ASIC2: variants seen among roughly 807,000 people sequenced by gnomAD.
The protein encoded by ASIC2 is acid-sensing ion channel 2.
A neutral mutation model predicts 57.3 loss-of-function variants in ASIC2; 25 were observed. The ratio of observed to expected loss-of-function variants is 0.44; its 90% CI spans 0.32 to 0.61. ASIC2 has a LOEUF of 0.61. Among genes scored for constraint, ASIC2 ranks in the 20% least tolerant of loss-of-function variants. ASIC2 has a pLI of 0.06. For synonymous variants in ASIC2, 319 were observed against 307.5 expected (o/e 1.04, Z -0.39); for missense variants, 641 against 738.1 (o/e 0.87, Z 1.52).
intron 1 of ASIC2, among the ~76,000 whole-genome samples, chr17:33,663,876 G>A (rs1271321751): frequency 1.3e-5 from 2 of 152,132 alleles, no homozygotes; most frequent in Non-Finnish European, 2.9e-5. Context: ...ATCCCAGTGT[G>A]CTCAGGGCAG....
intron 1 of ASIC2, among the ~76,000 whole-genome samples, chr17:33,159,952 T>C (rs1905115710): frequency 6.6e-6 from 1 of 152,210 alleles, no homozygotes; most frequent in Non-Finnish European, 1.5e-5. Flanking sequence ...CTCATGCCTG[T>C]AATCCCAGCA....
At chr17:33,082,752 G>A (rs2092118326) in intron 3 of ASIC2, among the ~76,000 whole-genome samples, 1 of 139,788 alleles carries the variant, frequency 7.2e-6, no homozygotes, top group Admixed American at 7.3e-5. Flanking sequence ...AAATAATCAT[G>A]GTTTGAGCAA....
Position 33,218,947 on chromosome 17 carries a change from C to T in ASIC2, c.708+72461G>A, listed in dbSNP as rs569575526. Among the ~76,000 whole-genome samples, 4 of 152,302 alleles carry T rather than the reference C, an allele frequency of 2.6e-5. No homozygotes were observed. The East Asian group carries it at 7.7e-4, about 29-fold the overall frequency. On this transcript the variant is annotated intron_variant, in intron 1 of 9. Coordinates refer to ENST00000225823, the MANE Select transcript of ASIC2 (RefSeq NM_183377.2). Reference sequence around the variant, plus strand: ...CACACCCGTGGAAGGGAGAGCTGAACTGGGCTGGGCGAATTATTTTTGGTA... The same window carrying T: ...CACACCCGTGGAAGGGAGAGCTGAATTGGGCTGGGCGAATTATTTTTGGTA...
intron 2 of ASIC2, among the ~76,000 whole-genome samples, chr17:33,110,485 G>A (rs1453049958): frequency 6.6e-6 from 1 of 152,208 alleles, no homozygotes; most frequent in Non-Finnish European, 1.5e-5. Flanking sequence ...GATGGGGCTC[G>A]GGGTGCCCTG....
At position 33,201,062 on chromosome 17, in the gene ASIC2, C is replaced by A. The variant is rs190921952; in HGVS notation, c.709-88995G>T. 2.6e-5 allele frequency among the ~76,000 whole-genome samples: 4 copies of A among 152,294 alleles called. No individual in the cohort carries two copies. In the East Asian group the frequency reaches 7.7e-4, roughly 29 times the overall value. On this transcript the variant is annotated intron_variant, in intron 1 of 9. Transcript: ENST00000225823. The stretch of plus-strand genomic sequence containing the variant: ...ACCTTCTCGGAGAGACCTCCTCTGG[C>A]CACCTTACCTAAAATTTCACCTCCC...
rs1223887134 is a variant in ASIC2 at position 34,156,112 on chromosome 17, C to T, written c.421G>A (p.Ala141Thr). The T allele has an allele frequency of 1.2e-6, 2 of 1,613,982 alleles. No homozygotes were observed. Among genetic ancestry groups the T allele is most frequent in the Admixed American group, 3.3e-5 (2 of 60,000 alleles). ...TTGGGTTTGTAGTGCTTGAAGTTGGCCTTCTGCCGCAGGGCCTCCAGCACG... is the reference window on the plus strand; with the variant it reads ...TTGGGTTTGTAGTGCTTGAAGTTGGTCTTCTGCCGCAGGGCCTCCAGCACG... The change falls in exon 1 of 10, where the codon GCC (alanine) becomes ACC (threonine). Residue 141 changes from alanine to threonine, a missense_variant. Ala to Thr is a moderately conservative substitution (Grantham distance 58). Transcript: ENST00000359872. The surrounding 1 kb of genome is among the most constrained non-coding windows in gnomAD (Gnocchi z 4.4).
chr17:33,368,740 C>G (rs1217272330), intron 1 of ASIC2, among the ~76,000 whole-genome samples: 1 of 152,128 alleles, frequency 6.6e-6, no homozygotes, highest in Admixed American at 6.6e-5. Flanking sequence ...GCTTCTTTGG[C>G]CACCATCTTT....
intron 1 of ASIC2, among the ~76,000 whole-genome samples, chr17:33,215,765 T>C (rs1258602039): frequency 2.6e-5 from 4 of 151,492 alleles, no homozygotes; most frequent in African/African-American, 9.7e-5. Context: ...AGTGGCGCGA[T>C]CTCGGCTCAC....
chr17:33,535,013 G>GTTCCCC (rs1367309141), intron 1 of ASIC2, among the ~76,000 whole-genome samples: 1 of 152,184 alleles, frequency 6.6e-6, no homozygotes, highest in African/African-American at 2.4e-5. Context: ...TGTGGGGTAA[G>GTTCCCC]TATTAGGATT....
At chr17:33,494,491 G>A (rs1338918184) in intron 1 of ASIC2, among the ~76,000 whole-genome samples, 2 of 152,184 alleles carry the variant, frequency 1.3e-5, no homozygotes, top group African/African-American at 4.8e-5. Context: ...TTCTTCACAC[G>A]AGTATTGAGA....
At chr17:34,140,145 G>A (rs1598044857) in intron 1 of ASIC2, among the ~76,000 whole-genome samples, 1 of 152,168 alleles carries the variant, frequency 6.6e-6, no homozygotes, top group Non-Finnish European at 1.5e-5. Flanking sequence ...CACAAGGAGG[G>A]CACCAGAGCG....
In ASIC2 at chr17:33,155,587, G is replaced by GTCTA. The variant is rs577993656; in HGVS notation, c.709-43524_709-43521dup. ...TTCTTTTTTTTTTTTTTGAGACGAT[G>GTCTA]TCTAGCTCTGTCGCCAGGCTGGAGT... On this transcript the variant is annotated intron_variant, in intron 1 of 9. Coordinates refer to ENST00000225823, the MANE Select transcript of ASIC2 (RefSeq NM_183377.2). Among the ~76,000 whole-genome samples the GTCTA allele has an allele frequency of 1.4e-4, 17 of 119,008 alleles. 1 individual carries two copies. The Admixed American group carries it at 1.5e-3, about 10-fold the overall frequency. 78.1% of individuals were successfully genotyped at this position (119,008 alleles called of 152,430 possible).
chr17:33,366,265 T>C (rs1908804924), intron 1 of ASIC2, among the ~76,000 whole-genome samples: 1 of 152,276 alleles, frequency 6.6e-6, no homozygotes, highest in South Asian at 2.1e-4. Flanking sequence ...GCTAGTTTTA[T>C]GGTTGTATAA....
chr17:33,449,518 T>G (rs557126754), intron 1 of ASIC2, among the ~76,000 whole-genome samples: 12 of 152,294 alleles, frequency 7.9e-5, no homozygotes, highest in Middle Eastern at 3.4e-3. Context: ...GCATACCTGT[T>G]GCAAATACCT....
intron 1 of ASIC2, among the ~76,000 whole-genome samples, chr17:33,252,516 G>A (rs1473446225): frequency 6.6e-6 from 1 of 152,064 alleles, no homozygotes; most frequent in Admixed American, 6.6e-5. Flanking sequence ...CATTCCCGGG[G>A]TTAATATGTT....
intron 1 of ASIC2, among the ~76,000 whole-genome samples, chr17:33,506,273 T>C (rs189563012): frequency 2.8e-5 from 4 of 143,130 alleles, no homozygotes; most frequent in South Asian, 2.3e-4. Flanking sequence ...ATTAGCTGGG[T>C]GTGGTGGCGG....
intron 1 of ASIC2, among the ~76,000 whole-genome samples, chr17:34,016,187 G>A (rs188764039): frequency 1.9e-3 from 285 of 152,230 alleles, no homozygotes; most frequent in African/African-American, 6.6e-3. Flanking sequence ...CACTTTGGGA[G>A]GCCGAGGCAG....
At chr17:34,110,713 T>C (rs937298230) in intron 1 of ASIC2, among the ~76,000 whole-genome samples, 3 of 152,220 alleles carry the variant, frequency 2.0e-5, no homozygotes, top group Non-Finnish European at 4.4e-5. Flanking sequence ...GGTCAGATAG[T>C]GTTTCCTGTC....
At chr17:34,016,439 A>G (rs997351953) in intron 1 of ASIC2, among the ~76,000 whole-genome samples, 3 of 150,926 alleles carry the variant, frequency 2.0e-5, no homozygotes, top group African/African-American at 4.9e-5. Context: ...AAAAAAAAAA[A>G]AAAAAAAAGA....
Sources: gnomAD v4.1 joint callset for allele counts (sites outside exome capture counted in the v4.1 genomes callset) on GRCh38, gnomAD v4.1.1 for gene constraint, Gnocchi (gnomAD v3.1) non-coding constraint, MANE v1.5 for transcripts, NCBI Gene and HGNC (gene_info 2026-07-23, HGNC 2026-07-21) for gene names.